Variants in HYKK observed in about 807,000 individuals in gnomAD.
HYKK encodes the protein 5-hydroxy-L-lysine kinase.
Under a neutral mutation model 29.7 loss-of-function variants are expected in HYKK, and 19 were observed. The ratio of observed to expected loss-of-function variants is 0.64; its 90% CI spans 0.45 to 0.94. HYKK has a LOEUF of 0.94. Ranked by LOEUF, HYKK falls within the 40% of genes least tolerant of loss-of-function variation. HYKK has a pLI of 0.00. For synonymous variants in HYKK, 152 were observed against 158.1 expected (o/e 0.96, Z 0.29); for missense variants, 390 against 443.4 (o/e 0.88, Z 1.08).
intron 4 of HYKK, among the ~76,000 whole-genome samples, chr15:78,529,908 G>C (rs779171213): frequency 5.3e-5 from 8 of 152,024 alleles, no homozygotes; most frequent in Non-Finnish European, 1.0e-4. Flanking sequence ...TACGATCACA[G>C]CTCACTGCAG....
intron 3 of HYKK, chr15:78,518,466 C>A (rs1286987375): frequency 2.6e-6 from 1 of 388,418 alleles, no homozygotes; most frequent in East Asian, 8.1e-5. Context: ...TGAGCCACCA[C>A]ACCTGGGCCC....
At chr15:78,509,614 C>T (rs2052051134) in intron 1 of HYKK, among the ~76,000 whole-genome samples, 1 of 152,166 alleles carries the variant, frequency 6.6e-6, no homozygotes. Context: ...GAAAATGACT[C>T]CAGGATTTCA....
chr15:78,513,478 T>C (rs1344395217), intron 2 of HYKK, 53 bp downstream of exon 2: 2 of 1,319,606 alleles, frequency 1.5e-6, no homozygotes, highest in Non-Finnish European at 2.1e-6. Context: ...CATCACTGCA[T>C]TTTGGCCACA....
chr15:78,534,406 C>G lies in HYKK; in HGVS notation c.*736C>G, dbSNP rs963748962. On this transcript the variant is annotated 3_prime_UTR_variant, in exon 5 of 5. Transcript: ENST00000388988. ...CTGGGACTACAGGCGCCCACCACCACGCCCGGCTAATTTTTTTTGTATTTT... is the reference window on the plus strand; with the variant it reads ...CTGGGACTACAGGCGCCCACCACCAGGCCCGGCTAATTTTTTTTGTATTTT... 6.6e-6 allele frequency: 1 copy of G among 152,060 alleles called. No homozygotes were observed. Among genetic ancestry groups the G allele is most frequent in the African/African-American group, 2.4e-5 (1 of 41,372 alleles). 9.4% of individuals were successfully genotyped at this position (152,060 alleles called of 1,614,324 possible).
chr15:78,529,196 T>C (rs1184766632), intron 4 of HYKK, among the ~76,000 whole-genome samples: 1 of 152,240 alleles, frequency 6.6e-6, no homozygotes, highest in Non-Finnish European at 1.5e-5. Flanking sequence ...CCCTTTTTTT[T>C]CTCAATACTA....
At chr15:78,527,713 A>C (rs2052269971) in intron 4 of HYKK, 150 bp downstream of exon 4, 17 of 1,396,306 alleles carry the variant, frequency 1.2e-5, no homozygotes, top group Non-Finnish European at 1.6e-5. Context: ...TAATATTTTT[A>C]CTTTCCTCAA....
chr15:78,520,896 G>A (rs1410185660), intron 3 of HYKK, among the ~76,000 whole-genome samples: 1 of 151,526 alleles, frequency 6.6e-6, no homozygotes, highest in Admixed American at 6.6e-5. Context: ...TCCCGGATGG[G>A]GCGGCTGGCC....
intron 4 of HYKK, among the ~76,000 whole-genome samples, chr15:78,529,091 C>G (rs911817474): frequency 6.6e-6 from 1 of 152,186 alleles, no homozygotes; most frequent in African/African-American, 2.4e-5. Context: ...ATTCTTTCTT[C>G]AAAGGAGAGC....
At chr15:78,514,639 T>A (rs1410546846) in intron 2 of HYKK, among the ~76,000 whole-genome samples, 1 of 152,166 alleles carries the variant, frequency 6.6e-6, no homozygotes. Context: ...TTTACCACAG[T>A]AAGTAATTTC....
intron 3 of HYKK, among the ~76,000 whole-genome samples, 182 bp from the exon 4 acceptor site, chr15:78,527,198 A>G (rs1199300379): frequency 2.6e-5 from 4 of 151,588 alleles, no homozygotes; most frequent in Admixed American, 6.6e-5. Flanking sequence ...AGGCAGAAGA[A>G]TCGCTTGAAC....
intron 3 of HYKK, among the ~76,000 whole-genome samples, chr15:78,515,422 A>G (rs1000600403): frequency 6.6e-6 from 1 of 152,002 alleles, no homozygotes; most frequent in African/African-American, 2.4e-5. Flanking sequence ...CATCTCTTCT[A>G]AAAAACACAA....
intron 4 of HYKK, among the ~76,000 whole-genome samples, chr15:78,530,769 C>T (rs2052304175): frequency 6.6e-6 from 1 of 152,114 alleles, no homozygotes; most frequent in Non-Finnish European, 1.5e-5. Flanking sequence ...TCTTGAACTA[C>T]TGGCTGCAAG....
Position 78,533,519 on chromosome 15 carries a change from G to C in HYKK, c.971G>C (p.Cys324Ser). Residue 324 changes from cysteine to serine, a missense_variant, in exon 5 of 5, where the codon TGC becomes TCC. Transcript: ENST00000388988. ...TCACTTGTCATGGCTGCATACTCTT[G>C]CCAGCTATACCCAGAGAACAAAGAC... ...CQSLVMAAYS[C>S]QLYPENKDYL... 6.3e-7 allele frequency: 1 copy of C among 1,576,688 alleles called. No individual in the cohort carries two copies. Among genetic ancestry groups the C allele is most frequent in the Admixed American group, 1.7e-5 (1 of 58,996 alleles).
intron 3 of HYKK, chr15:78,518,654 A>G: frequency 4.4e-6 from 2 of 453,418 alleles, no homozygotes; most frequent in Non-Finnish European, 8.8e-6. Flanking sequence ...GCAGTAGCTT[A>G]CGCCTATAAT....
rs145145583 is a variant in HYKK at position 78,513,295 on chromosome 15, C to G, written c.207C>G (p.Thr69=). ...AATATGTCCTCAAAATAAGCAACAC[C>G]AAGGCTAGCAAAAATCCAGACCTGA... The part of the protein sequence containing the change: ...PTEYVLKISN[T]KASKNPDLIE... Residue 69 remains threonine (T), a synonymous_variant, in exon 2 of 5, where the codon ACC becomes ACG. Coordinates refer to ENST00000388988, the MANE Select transcript of HYKK (RefSeq NM_001013619.4). 1.2e-4 allele frequency: 198 copies of G among 1,614,134 alleles called. No individual in the cohort carries two copies. Among genetic ancestry groups the G allele is most frequent in the Non-Finnish European group, 6.8e-5 (80 of 1,180,004 alleles).
intron 4 of HYKK, among the ~76,000 whole-genome samples, chr15:78,530,200 ATTTTTTTTT>A (rs60803012): frequency 1.5e-5 from 2 of 135,202 alleles, no homozygotes; most frequent in African/African-American, 5.6e-5. Flanking sequence ...TTATTTATTT[ATTTTTTTTT>A]TTTTTTTTTG....
chr15:78,533,476 T>C lies in HYKK; in HGVS notation c.928T>C (p.Cys310Arg), dbSNP rs2052332018. 6.2e-7 allele frequency: 1 copy of C among 1,614,222 alleles called. No homozygotes were observed. Among genetic ancestry groups the C allele is most frequent in the South Asian group, 1.1e-5 (1 of 91,084 alleles). Residue 310 changes from cysteine (C) to arginine (R), a missense_variant, in exon 5 of 5, where the codon TGC (cysteine) becomes CGC (arginine). By Grantham distance (180) the Cys-to-Arg change is radical. Coordinates refer to ENST00000388988, the MANE Select transcript of HYKK (RefSeq NM_001013619.4). The stretch of plus-strand genomic sequence containing the variant: ...GAAGGGTGCTTTGTTTTTACTTGTA[T>C]GCAGTCGTTTTTGTCAGTCACTTGT... Reference protein sequence around the residue: ...VEKGALFLLVCSRFCQSLVMA... With the variant: ...VEKGALFLLVRSRFCQSLVMA...
Position 78,515,046 on chromosome 15 carries a change from TCAG to T in HYKK, c.418_420del (p.Ser140del). 6.2e-7 allele frequency: 1 copy of T among 1,605,756 alleles called. No individual in the cohort carries two copies. The highest frequency in any genetic ancestry group is 1.1e-5 in the South Asian group (1 of 89,898). ...GGAAGACCCATCGCTGAGCTTCCCG[TCAG>T]CCCCCAGCTATTGTATGAAATTGGA... On this transcript the variant is annotated inframe_deletion, in exon 3 of 5. Coordinates refer to ENST00000388988, the MANE Select transcript of HYKK (RefSeq NM_001013619.4).
intron 3 of HYKK, among the ~76,000 whole-genome samples, chr15:78,525,764 G>C (rs961439763): frequency 3.9e-5 from 6 of 152,272 alleles, no homozygotes; most frequent in Admixed American, 6.5e-5. Context: ...CTCCCAAAGT[G>C]CTGGGATTAC....
Sources: gnomAD v4.1 joint callset for allele counts (sites outside exome capture counted in the v4.1 genomes callset) on GRCh38, gnomAD v4.1.1 for gene constraint, MANE v1.5 for transcripts, NCBI Gene and HGNC (gene_info 2026-07-23, HGNC 2026-07-21) for gene names.